REC8: variants seen among roughly 807,000 people sequenced by gnomAD.
The protein encoded by REC8 is REC8 meiotic recombination protein.
Under a neutral mutation model 78.3 loss-of-function variants are expected in REC8, and 42 were observed. The ratio of observed to expected loss-of-function variants is 0.54; its 90% CI spans 0.42 to 0.69. REC8 has a LOEUF of 0.69. REC8 is among the 30% of genes least tolerant of loss of function. REC8 has a pLI of 0.00. For synonymous variants in REC8, 268 were observed against 274.1 expected, an observed-to-expected ratio of 0.98 and a Z score of 0.22; for missense variants, 581 against 715.8, an observed-to-expected ratio of 0.81 and a Z score of 2.15.
At chr14:24,180,662 G>A, downstream of REC8, 6 of 1,613,760 alleles carry the variant, frequency 3.7e-6, no homozygotes, top group Non-Finnish European at 3.4e-6. Flanking sequence ...CCTCCCGCAA[G>A]CCCCTGCCTA....
At chr14:24,175,413 G>C (rs2038847230) in intron 5 of REC8, 130 bp from the exon 6 acceptor site, 1 of 720,608 alleles carries the variant, frequency 1.4e-6, no homozygotes. Flanking sequence ...TTTACTGCAA[G>C]CTGATGTCAA....
In REC8 at chr14:24,178,833, C is replaced by A. The variant is rs770440827; in HGVS notation, c.1120C>A (p.Pro374Thr). 5 of 1,613,860 alleles carry A rather than the reference C, an allele frequency of 3.1e-6. No individual in the cohort carries two copies. The highest frequency in any genetic ancestry group is 2.2e-5 in the South Asian group (2 of 91,078). ...CTGGACCCATTGTGCCCAGCCACCC[C>A]CAAAAGCCCTCAGGCGAGAGCTGCC... ...GLWTHCAQPP[P>T]KALRRELPEE... The change falls in exon 14 of 19, where the codon CCA (proline) becomes ACA (threonine). Residue 374 changes from proline to threonine, a missense_variant. Physicochemically the swap from Pro to Thr is conservative, Grantham distance 38. Transcript: ENST00000611366.
At chr14:24,180,628 C>G (rs2039118625), downstream of REC8, 1 of 1,612,304 alleles carries the variant, frequency 6.2e-7, no homozygotes, top group Non-Finnish European at 8.5e-7. Flanking sequence ...CTGCCCCAGG[C>G]TCTCTGAGCC....
At chr14:24,177,570 T>A in intron 10 of REC8, 29 bp downstream of exon 10, 1 of 1,601,414 alleles carries the variant, frequency 6.2e-7, no homozygotes, top group Non-Finnish European at 8.5e-7. Context: ...CCAGGGGCTT[T>A]TCTGGGAGTA....
chr14:24,177,529 G>A lies in REC8; in HGVS notation c.802G>A (p.Ala268Thr), dbSNP rs1474630529. The A allele has an allele frequency of 4.3e-6, 7 of 1,613,762 alleles. No homozygotes were observed. The highest frequency in any genetic ancestry group is 5.9e-6 in the Non-Finnish European group (7 of 1,179,778). ...ELRLTGWEPG[A>T]LLMEVTPPEE... ...GAGGCTGACAGGCTGGGAACCTGGG[G>A]CCCTACTCATGGGTGAGTGCCCACC... The change falls in exon 10 of 19, where the codon GCC becomes ACC. Residue 268 changes from alanine (A) to threonine (T), a missense_variant. Coordinates refer to ENST00000611366, the MANE Select transcript of REC8 (RefSeq NM_001048205.2).
rs530107293 is a variant in REC8, at chr14:24,173,150, G to T, written c.293G>T (p.Arg98Leu). The T allele has an allele frequency of 6.2e-7, 1 of 1,614,072 alleles. No individual in the cohort carries two copies. Among genetic ancestry groups the T allele is most frequent in the Non-Finnish European group, 8.5e-7 (1 of 1,180,038 alleles). The change falls in exon 4 of 19, where the codon CGC (arginine) becomes CTC (leucine). Residue 98 changes from arginine to leucine, a missense_variant. By Grantham distance (102) the Arg-to-Leu change is moderately radical. Transcript: ENST00000611366. ...GAGGACATCCAGCACATCTTGGAGCGCCTCCACCGTGCCCAGCTGCAGATC... is the reference window on the plus strand; with the variant it reads ...GAGGACATCCAGCACATCTTGGAGCTCCTCCACCGTGCCCAGCTGCAGATC... The part of the protein sequence containing the change: ...LVEDIQHILE[R>L]LHRAQLQIRI...
rs2038945323 is a variant in REC8, at chr14:24,177,354, C to T, written c.708C>T (p.Ile236=). ...AEEEEAILLE[I]PRLPPPAPAE... is the part of the protein sequence containing the mutation. ...TGAACTCTGATTCTCTCTCCACAGTCCCGCGGCTCCCACCTCCAGCTCCTG... is the reference window on the plus strand; with the variant it reads ...TGAACTCTGATTCTCTCTCCACAGTTCCGCGGCTCCCACCTCCAGCTCCTG... Residue 236 remains isoleucine (I), a splice_region_variant and synonymous_variant, in exon 9 of 19, where the codon ATC becomes ATT. Transcript: ENST00000611366. 5 of 1,614,182 alleles carry T rather than the reference C, an allele frequency of 3.1e-6. No homozygotes were observed. In the East Asian group the frequency reaches 1.1e-4, roughly 36 times the overall value.
At position 24,179,198 on chromosome 14, in the gene REC8, C is replaced by G. The variant is rs554583188; in HGVS notation, c.1252+65C>G. On this transcript the variant is annotated intron_variant, in intron 15 of 18. Transcript: ENST00000611366. ...AACCACTGTCCCAGGAAACTAGTAT[C>G]CCAACTGCTGAAGCTGTTTTATGAG... is the stretch of plus-strand genomic sequence containing the variant. 3 of 1,402,270 alleles carry G rather than the reference C, an allele frequency of 2.1e-6. No homozygotes were observed. In the South Asian group the frequency reaches 3.6e-5, roughly 17 times the overall value. 86.9% of individuals were successfully genotyped at this position (1,402,270 alleles called of 1,614,324 possible).
At chr14:24,177,414 G>T in intron 9 of REC8, 31 bp downstream of exon 9, 1 of 1,614,122 alleles carries the variant, frequency 6.2e-7, no homozygotes, top group Non-Finnish European at 8.5e-7. Context: ...ACCAGGTAGG[G>T]TGTCAGTGCT....
intron 8 of REC8, 52 bp from the exon 9 acceptor site, chr14:24,177,301 A>G: frequency 1.2e-6 from 2 of 1,613,870 alleles, no homozygotes; most frequent in Non-Finnish European, 1.7e-6. Context: ...GGACTGGGCA[A>G]TGCTCCCATT....
intron 6 of REC8, among the ~76,000 whole-genome samples, chr14:24,175,944 C>G (rs2038878492): frequency 6.6e-6 from 1 of 151,518 alleles, no homozygotes; most frequent in African/African-American, 2.4e-5. Flanking sequence ...CTCAGGTGAT[C>G]CACCCGCCTC....
chr14:24,172,710 C>G lies in REC8; in HGVS notation c.57-3C>G. 1 of 1,614,240 alleles carries G rather than the reference C, an allele frequency of 6.2e-7. No individual in the cohort carries two copies. The highest frequency in any genetic ancestry group is 8.5e-7 in the Non-Finnish European group (1 of 1,180,034). On this transcript the variant is annotated splice_region_variant and splice_polypyrimidine_tract_variant and intron_variant, in intron 1 of 18. Transcript: ENST00000611366. ...ATTCTCCCACCTTCCCCACCCACTTCAGGCTGGCGGCGACTCGCGGCAGCC... is the reference window on the plus strand; with the variant it reads ...ATTCTCCCACCTTCCCCACCCACTTGAGGCTGGCGGCGACTCGCGGCAGCC...
At chr14:24,180,370 T>G (rs929736941), downstream of REC8, 7 of 1,549,726 alleles carry the variant, frequency 4.5e-6, no homozygotes, top group African/African-American at 9.5e-5. Flanking sequence ...AAGGCAGAAC[T>G]GAACTGGGCT....
chr14:24,179,171 C>G (rs1020832523), intron 15 of REC8, 38 bp downstream of exon 15: 1 of 1,504,522 alleles, frequency 6.6e-7, no homozygotes, highest in Non-Finnish European at 9.1e-7. Context: ...GGACCACACC[C>G]TAACCACTGT....
chr14:24,179,895 A>G lies in REC8; in HGVS notation c.1547A>G (p.Tyr516Cys), dbSNP rs148643420. 5.1e-5 allele frequency: 83 copies of G among 1,613,734 alleles called. No homozygotes were observed. The highest frequency in any genetic ancestry group is 6.8e-5 in the Non-Finnish European group (80 of 1,179,908). Residue 516 changes from tyrosine to cysteine, a missense_variant, in exon 18 of 19, where the codon TAC becomes TGC. Physicochemically the swap from Tyr to Cys is radical, Grantham distance 194. Coordinates refer to ENST00000611366, the MANE Select transcript of REC8 (RefSeq NM_001048205.2). ...SPRRMAARVFYLLLVLSAQQI... is the reference protein window; with the variant it reads ...SPRRMAARVFCLLLVLSAQQI... ...CGCAGGATGGCTGCCCGGGTCTTCT[A>G]CCTGCTCCTGGGTGAGTGTATGCAT...
At chr14:24,178,035 G>A (rs2038978034) in intron 11 of REC8, 56 bp from the exon 12 acceptor site, 5 of 1,569,570 alleles carry the variant, frequency 3.2e-6, no homozygotes, top group Non-Finnish European at 4.3e-6. Context: ...CCACCAGAAT[G>A]ACAGGAAAAG....
chr14:24,179,009 G>A (rs776056482), intron 14 of REC8, 76 bp from the exon 15 acceptor site: 62 of 1,598,190 alleles, frequency 3.9e-5, no homozygotes, highest in Non-Finnish European at 5.1e-5. Context: ...CAACAGCACA[G>A]GCTCACTGGC....
rs377239745 is a variant in REC8 at position 24,172,890 on chromosome 14, G to A, written c.126-9G>A. On this transcript the variant is annotated splice_polypyrimidine_tract_variant and intron_variant, in intron 2 of 18. Coordinates refer to ENST00000611366, the MANE Select transcript of REC8 (RefSeq NM_001048205.2). Reference sequence around the variant, plus strand: ...GACGCAGCGGTAATCAGGGCGCATTGTTCCCCAGCGAGGAAATCCTCAATT... The same window carrying A: ...GACGCAGCGGTAATCAGGGCGCATTATTCCCCAGCGAGGAAATCCTCAATT... 21 of 1,613,078 alleles carry A rather than the reference G, an allele frequency of 1.3e-5. No individual in the cohort carries two copies. The highest frequency in any genetic ancestry group is 1.6e-4 in the Middle Eastern group (1 of 6,084).
Position 24,179,453 on chromosome 14 carries a change from G to C in REC8, c.1309G>C (p.Glu437Gln). The change falls in exon 16 of 19, where the codon GAA (glutamate) becomes CAA (glutamine). Residue 437 changes from glutamate (E) to glutamine (Q), a missense_variant. By Grantham distance (29) the Glu-to-Gln change is conservative (BLOSUM62 2). Coordinates refer to ENST00000611366, the MANE Select transcript of REC8 (RefSeq NM_001048205.2). Reference sequence around the variant, plus strand: ...GTCCCGCATCAGCCTCATCCCACCAGAAGAACGGTGGTAAGCGGCCAGGCT... The same window carrying C: ...GTCCCGCATCAGCCTCATCCCACCACAAGAACGGTGGTAAGCGGCCAGGCT... ...EKSRISLIPP[E>Q]ERWAWPEVEA... The C allele has an allele frequency of 6.2e-7, 1 of 1,614,162 alleles. No individual in the cohort carries two copies. The highest frequency in any genetic ancestry group is 8.5e-7 in the Non-Finnish European group (1 of 1,180,020).
Sources: gnomAD v4.1 joint callset for allele counts (sites outside exome capture counted in the v4.1 genomes callset) on GRCh38, gnomAD v4.1.1 for gene constraint, MANE v1.5 for transcripts, NCBI Gene and HGNC (gene_info 2026-07-23, HGNC 2026-07-21) for gene names.